PRR11: variants seen among roughly 807,000 people sequenced by gnomAD.
PRR11 encodes proline rich 11, also known as proline-rich protein 11.
In PRR11, 30 loss-of-function variants were observed where a neutral mutation model predicts 45.6. That is an observed-to-expected ratio of 0.66 (90% confidence interval 0.49 to 0.89). The LOEUF (loss-of-function observed/expected upper bound fraction) is 0.89, where lower values mean the gene tolerates loss of function less well. PRR11 is among the 40% of genes least tolerant of loss of function. PRR11 has a pLI of 0.00. For synonymous variants in PRR11, 128 were observed against 153.5 expected (o/e 0.83, Z 1.23); for missense variants, 373 against 424.8 (o/e 0.88, Z 1.07).
Position 59,172,641 on chromosome 17 carries a change from G to A in PRR11, c.128+2761G>A, listed in dbSNP as rs571171871. On this transcript the variant is annotated intron_variant, in intron 2 of 9. Transcript: ENST00000262293. ...AGCTGTCGGCTGCCCCGGCCAGCCC[G>A]GGCAGTGAGGGGCTTAGCAACCGGA... 4.5e-4 allele frequency among the ~76,000 whole-genome samples: 69 copies of A among 152,354 alleles called. No homozygotes were observed. The East Asian group carries it at 0.011, about 23-fold the overall frequency.
intron 1 of PRR11, among the ~76,000 whole-genome samples, chr17:59,168,038 T>C (rs544414893): frequency 3.9e-5 from 6 of 152,138 alleles, no homozygotes; most frequent in Non-Finnish European, 8.8e-5. Flanking sequence ...GTCTCTATTT[T>C]GTATCCTTTA....
rs1386203159 is a variant in PRR11, at chr17:59,195,412, G to C, written c.826G>C (p.Val276Leu). The change falls in exon 7 of 10, where the codon GTG becomes CTG. Residue 276 changes from valine (V) to leucine (L), a missense_variant. Coordinates refer to ENST00000262293, the MANE Select transcript of PRR11 (RefSeq NM_018304.4). The part of the protein sequence containing the change: ...QHVTLKPNSK[V>L]LSTRVTNVLI... ...TGTTACCCTGAAACCTAACTCCAAA[G>C]TGTTATCGACTCGAGTTACAAACGT... 2 of 1,612,858 alleles carry C rather than the reference G, an allele frequency of 1.2e-6. No individual in the cohort carries two copies. Among genetic ancestry groups the C allele is most frequent in the Non-Finnish European group, 1.7e-6 (2 of 1,179,070 alleles).
rs2046762217 is a variant in PRR11 at position 59,178,551 on chromosome 17, G to A, written c.129-6503G>A. Reference sequence around the variant, plus strand: ...GATCCTCTGTGATTAGAGAGTAGATGTCAGCTTGAAAAGCAGGACAGGGTT... The same window carrying A: ...GATCCTCTGTGATTAGAGAGTAGATATCAGCTTGAAAAGCAGGACAGGGTT... On this transcript the variant is annotated intron_variant, in intron 2 of 9. Transcript: ENST00000262293. The A allele has an allele frequency of 7.6e-6, 4 of 526,800 alleles. No homozygotes were observed. The Admixed American group carries it at 7.7e-5, about 10-fold the overall frequency. 32.6% of individuals were successfully genotyped at this position (526,800 alleles called of 1,614,324 possible).
At chr17:59,159,655 T>C (rs1303898145) in intron 1 of PRR11, among the ~76,000 whole-genome samples, 3 of 152,204 alleles carry the variant, frequency 2.0e-5, no homozygotes, top group African/African-American at 7.2e-5. Flanking sequence ...TCATCACTCA[T>C]TGCCCCCTGA....
intron 2 of PRR11, among the ~76,000 whole-genome samples, 166 bp from the exon 3 acceptor site, chr17:59,184,888 G>T (rs1318043063): frequency 7.2e-6 from 1 of 138,648 alleles, no homozygotes; most frequent in Non-Finnish European, 1.5e-5. Context: ...GCAGGGACAG[G>T]GTTTTGCCAT....
At chr17:59,179,872 C>A (rs1297776498) in intron 2 of PRR11, 3 of 1,342,330 alleles carry the variant, frequency 2.2e-6, no homozygotes, top group Non-Finnish European at 3.1e-6. Context: ...TGGGATCTAC[C>A]CCAGGGGCTG....
intron 2 of PRR11, among the ~76,000 whole-genome samples, chr17:59,175,690 C>T (rs540788960): frequency 1.7e-4 from 26 of 152,102 alleles, no homozygotes; most frequent in Middle Eastern, 3.4e-3. Context: ...TGCAGTGAGC[C>T]GAGATTGGGC....
intron 5 of PRR11, 47 bp downstream of exon 5, chr17:59,193,781 T>C (rs1156854381): frequency 6.3e-7 from 1 of 1,586,726 alleles, no homozygotes; most frequent in East Asian, 2.2e-5. Context: ...TTTTGGTGAG[T>C]GTGTAATATA....
intron 4 of PRR11, among the ~76,000 whole-genome samples, chr17:59,193,035 C>T (rs183989874): frequency 1.4e-4 from 21 of 152,288 alleles, no homozygotes; most frequent in African/African-American, 4.8e-4. Flanking sequence ...GCTCATAGCA[C>T]ACTTCGTTGC....
intron 2 of PRR11, among the ~76,000 whole-genome samples, chr17:59,182,485 A>C (rs577643413): frequency 7.2e-4 from 100 of 138,214 alleles, no homozygotes; most frequent in Middle Eastern, 9.0e-3. Flanking sequence ...TCTTCCTCCC[A>C]GGCTCAAGTG....
rs267604973 is a variant in PRR11 at position 59,185,124 on chromosome 17, C to T, written c.199C>T (p.Pro67Ser). ...AACATCATCCTGGAACTTCAATTTTCCTAACATCAGAGATGCAATAAAACT... is the reference window on the plus strand; with the variant it reads ...AACATCATCCTGGAACTTCAATTTTTCTAACATCAGAGATGCAATAAAACT... ...WLTSSWNFNF[P>S]NIRDAIKLWT... is the part of the protein sequence containing the mutation. Residue 67 changes from proline to serine, a missense_variant, in exon 3 of 10, where the codon CCT becomes TCT. By Grantham distance (74) the Pro-to-Ser change is moderately conservative. Coordinates refer to ENST00000262293, the MANE Select transcript of PRR11 (RefSeq NM_018304.4). 1.3e-5 allele frequency: 21 copies of T among 1,597,566 alleles called. No homozygotes were observed. The highest frequency in any genetic ancestry group is 1.7e-5 in the Non-Finnish European group (20 of 1,170,602).
intron 3 of PRR11, 41 bp from the exon 4 acceptor site, chr17:59,185,399 T>C (rs2046809310): frequency 1.9e-6 from 3 of 1,577,330 alleles, no homozygotes; most frequent in Non-Finnish European, 2.6e-6. Context: ...GTCCTTATCA[T>C]ATTACTCATA....
At chr17:59,195,489 G>T (rs758499288) in intron 7 of PRR11, 46 bp downstream of exon 7, 1 of 1,286,800 alleles carries the variant, frequency 7.8e-7, no homozygotes, top group African/African-American at 1.5e-5. Context: ...TTAAAAGAAT[G>T]ATATTGTTGT....
At chr17:59,196,783 C>G (rs113117735) in intron 7 of PRR11, among the ~76,000 whole-genome samples, 3 of 152,268 alleles carry the variant, frequency 2.0e-5, no homozygotes, top group African/African-American at 7.2e-5. Flanking sequence ...CATGTAACTC[C>G]TGGGTCAAGA....
chr17:59,164,668 A>C (rs1396833499), intron 1 of PRR11, among the ~76,000 whole-genome samples: 1 of 152,148 alleles, frequency 6.6e-6, no homozygotes, highest in African/African-American at 2.4e-5. Flanking sequence ...ACAGGACTTC[A>C]AGACCAGCCT....
chr17:59,168,261 T>C (rs1394746129), intron 1 of PRR11, among the ~76,000 whole-genome samples: 10 of 151,560 alleles, frequency 6.6e-5, no homozygotes, highest in Non-Finnish European at 1.3e-4. Flanking sequence ...CTCTGCCTCC[T>C]GGGTTCAAGT....
At chr17:59,179,894 C>T in intron 2 of PRR11, 1 of 1,335,126 alleles carries the variant, frequency 7.5e-7, no homozygotes, top group Non-Finnish European at 1.1e-6. Context: ...GTAAAGAAAC[C>T]AGGCCACTGT....
At chr17:59,162,279 T>C (rs574745678) in intron 1 of PRR11, among the ~76,000 whole-genome samples, 1 of 151,184 alleles carries the variant, frequency 6.6e-6, no homozygotes, top group East Asian at 1.9e-4. Context: ...GAAAGAAATA[T>C]GACTTAGTTC....
rs1213440854 is a variant in PRR11 at position 59,202,379 on chromosome 17, A to T, written c.*748A>T. 2 of 152,154 alleles carry T rather than the reference A, an allele frequency of 1.3e-5. No individual in the cohort carries two copies. Among genetic ancestry groups the T allele is most frequent in the African/African-American group, 4.8e-5 (2 of 41,438 alleles). 9.4% of individuals were successfully genotyped at this position (152,154 alleles called of 1,614,324 possible). ...AATTCAAGACTAGCCTGGGCAACAT[A>T]ATACAGGGAGACCCCGTTTCTATTA... On this transcript the variant is annotated 3_prime_UTR_variant, in exon 10 of 10. Coordinates refer to ENST00000262293, the MANE Select transcript of PRR11 (RefSeq NM_018304.4).
Sources: gnomAD v4.1 joint callset for allele counts (sites outside exome capture counted in the v4.1 genomes callset) on GRCh38, gnomAD v4.1.1 for gene constraint, MANE v1.5 for transcripts, NCBI Gene and HGNC (gene_info 2026-07-23, HGNC 2026-07-21) for gene names.